The following TET3 variants were observed in gnomAD, a reference collection of about 807,000 sequenced individuals.
The protein encoded by TET3 is methylcytosine dioxygenase TET3.
A neutral mutation model predicts 141.4 loss-of-function variants in TET3; 19 were observed. That is an observed-to-expected ratio of 0.13 (90% CI 0.09 to 0.20). The LOEUF is 0.20. TET3 is among the 10% of genes least tolerant of loss of function. TET3 has a pLI of 1.00. For synonymous variants in TET3, 1,043 were observed against 980.9 expected, an observed-to-expected ratio of 1.06 and a Z score of -1.18; for missense variants, 1,874 against 2,356.9, an observed-to-expected ratio of 0.80 and a Z score of 4.24.
Position 73,991,238 on chromosome 2 carries a change from C to T in TET3, c.303+4532C>T, listed in dbSNP as rs573618007. The stretch of plus-strand genomic sequence containing the variant: ...CAAATGCAAGCGGTTTTTAACTCCA[C>T]GGCCACAGATTCTAAATGAAAATTA... On this transcript the variant is annotated intron_variant, in intron 2 of 11. Coordinates refer to ENST00000409262, the MANE Select transcript of TET3 (RefSeq NM_001287491.2). Among the ~76,000 whole-genome samples, 26 of 152,182 alleles carry T rather than the reference C, an allele frequency of 1.7e-4. No individual in the cohort carries two copies. The East Asian group carries it at 3.7e-3, about 21-fold the overall frequency.
At chr2:74,086,399 T>G (rs1266233394) in intron 6 of TET3, among the ~76,000 whole-genome samples, 1 of 152,162 alleles carries the variant, frequency 6.6e-6, no homozygotes, top group Non-Finnish European at 1.5e-5. Context: ...AAAAGTAGCT[T>G]TATTGAGATA....
At chr2:74,092,494 C>G (rs1003656662) in intron 8 of TET3, among the ~76,000 whole-genome samples, 5 of 152,188 alleles carry the variant, frequency 3.3e-5, no homozygotes, top group African/African-American at 1.2e-4. Flanking sequence ...GCCTGCCTTT[C>G]TCTTCCTGTC....
intron 4 of TET3, among the ~76,000 whole-genome samples, chr2:74,067,245 A>G (rs1458381065): frequency 1.3e-5 from 2 of 152,248 alleles, no homozygotes; most frequent in Non-Finnish European, 2.9e-5. Context: ...CTCATTCATG[A>G]AATGTTTAAG....
chr2:74,095,927 C>T lies in TET3; in HGVS notation c.3267+2261C>T, dbSNP rs1024844770. ...TGGCAACACTGGATTTTGTCAGTCT[C>T]TTTCATCTTTGCCTGCTGCCTGAGT... On this transcript the variant is annotated intron_variant, in intron 10 of 11. Transcript: ENST00000409262. Among the ~76,000 whole-genome samples, 5 of 152,346 alleles carry T rather than the reference C, an allele frequency of 3.3e-5. No individual in the cohort carries two copies. In the South Asian group the frequency reaches 1.0e-3, roughly 32 times the overall value.
At chr2:73,988,992 TTTTTTTG>T (rs949760863) in intron 2 of TET3, among the ~76,000 whole-genome samples, 2 of 134,570 alleles carry the variant, frequency 1.5e-5, no homozygotes, top group African/African-American at 5.3e-5. Flanking sequence ...AAAAAAAAGT[TTTTTTTG>T]TTTTTTTTTT....
chr2:74,066,112 G>A (rs1383134138), intron 4 of TET3, among the ~76,000 whole-genome samples: 1 of 152,104 alleles, frequency 6.6e-6, no homozygotes, highest in Non-Finnish European at 1.5e-5. Flanking sequence ...AGAGAGCTAG[G>A]GGTACTTACA....
At chr2:74,083,939 A>G (rs1021123027) in intron 6 of TET3, among the ~76,000 whole-genome samples, 2 of 152,170 alleles carry the variant, frequency 1.3e-5, no homozygotes, top group Non-Finnish European at 2.9e-5. Flanking sequence ...CACAGAGACC[A>G]TGGCCTTATC....
rs543728204 is a variant in TET3 at position 74,093,956 on chromosome 2, C to T, written c.3267+290C>T. ...GCCCAGTTATCTAAAGCGTGGGCCCCGGTCTCTGTGGACACTTGGATTTAA... is the reference window on the plus strand; with the variant it reads ...GCCCAGTTATCTAAAGCGTGGGCCCTGGTCTCTGTGGACACTTGGATTTAA... On this transcript the variant is annotated intron_variant, in intron 10 of 11. Transcript: ENST00000409262. This position sits in a 1 kb window ranked among gnomAD's most constrained non-coding sequence, Gnocchi z 4.2. Among the ~76,000 whole-genome samples the T allele has an allele frequency of 9.8e-5, 15 of 152,298 alleles. No homozygotes were observed. The East Asian group carries it at 2.9e-3, about 29-fold the overall frequency.
At chr2:73,983,824 G>A (rs937588216), upstream of TET3, among the ~76,000 whole-genome samples, 1 of 152,228 alleles carries the variant, frequency 6.6e-6, no homozygotes, top group Non-Finnish European at 1.5e-5. Context: ...GCCCGAGTGT[G>A]TGTGTGCGCG....
intron 3 of TET3, among the ~76,000 whole-genome samples, chr2:74,025,652 A>T (rs1686302578): frequency 6.6e-6 from 1 of 152,176 alleles, no homozygotes. Flanking sequence ...GCATTATTAT[A>T]CCAGCTAACC....
intron 11 of TET3, among the ~76,000 whole-genome samples, chr2:74,099,822 C>G (rs1691068274): frequency 6.6e-6 from 1 of 152,118 alleles, no homozygotes. Flanking sequence ...TGGAAGTGAG[C>G]TTGGTAGAGG....
chr2:74,053,295 T>C (rs1300187636), intron 4 of TET3, among the ~76,000 whole-genome samples: 1 of 152,240 alleles, frequency 6.6e-6, no homozygotes, highest in Non-Finnish European at 1.5e-5. Flanking sequence ...CAAGGAGCTA[T>C]AGAGACTGTT....
At chr2:74,124,634 C>G in the TET3 span, among the ~76,000 whole-genome samples, 14 of 151,878 alleles carry the variant, frequency 9.2e-5, 1 homozygote, top group South Asian at 1.9e-3. Flanking sequence ...CCCCCAACCC[C>G]GTGCTCTCTG....
chr2:74,121,293 C>T, the TET3 span: 5 of 152,118 alleles, frequency 3.3e-5, no homozygotes, highest in Non-Finnish European at 5.9e-5. Flanking sequence ...CAACAACTTC[C>T]AGAAAATACA....
chr2:74,096,805 G>C (rs1690861376), intron 10 of TET3, among the ~76,000 whole-genome samples: 1 of 151,384 alleles, frequency 6.6e-6, no homozygotes, highest in African/African-American at 2.4e-5. Context: ...AAGAAAAGCA[G>C]GTCAGGCTGG....
At chr2:74,133,190 G>A in the TET3 span, among the ~76,000 whole-genome samples, 8 of 151,060 alleles carry the variant, frequency 5.3e-5, no homozygotes, top group East Asian at 1.9e-4. Flanking sequence ...CTGGGATTAC[G>A]CGCGTGAGCC....
chr2:74,076,767 C>G (rs1052995504), intron 5 of TET3, among the ~76,000 whole-genome samples: 1 of 152,144 alleles, frequency 6.6e-6, no homozygotes, highest in South Asian at 2.1e-4. Context: ...TAGGCTGTCT[C>G]TTTTCCTAGA....
chr2:74,100,048 C>G (rs1039078578), intron 11 of TET3, among the ~76,000 whole-genome samples: 1 of 152,166 alleles, frequency 6.6e-6, no homozygotes, highest in Non-Finnish European at 1.5e-5. Flanking sequence ...GTGATCCCGA[C>G]TGGGCTGGGC....
In TET3 at chr2:73,986,386, C is replaced by A; in HGVS notation, c.-18C>A. ...GTGGTTCTGCCCCAGCACCTATGAC[C>A]CCACCTCTGGCAGCATCATGAGCCA... On this transcript the variant is annotated 5_prime_UTR_variant, in exon 2 of 12. Coordinates refer to ENST00000409262, the MANE Select transcript of TET3 (RefSeq NM_001287491.2). 8.1e-7 allele frequency: 1 copy of A among 1,232,154 alleles called. No individual in the cohort carries two copies. Among genetic ancestry groups the A allele is most frequent in the Non-Finnish European group, 1.0e-6 (1 of 988,088 alleles). The allele number at this position is 1,232,154 out of a possible 1,614,324, so 76.3% of individuals were successfully genotyped here.
Sources: allele counts gnomAD v4.1 joint callset (sites outside exome capture counted in the v4.1 genomes callset), GRCh38; gene constraint gnomAD v4.1.1; non-coding constraint Gnocchi (gnomAD v3.1); transcripts MANE v1.5; gene names NCBI Gene and HGNC (gene_info 2026-07-23, HGNC 2026-07-21).